The following MRTFB variants were observed in gnomAD, a reference collection of about 807,000 sequenced individuals.
The protein encoded by MRTFB is myocardin-related transcription factor B.
Under a neutral mutation model 104.2 loss-of-function variants are expected in MRTFB, and 29 were observed. The observed-to-expected ratio is 0.28, with a 90% CI of 0.21 to 0.38. The LOEUF (loss-of-function observed/expected upper bound fraction) is 0.38, where lower values mean the gene tolerates loss of function less well. MRTFB is among the 10% of genes least tolerant of loss of function. MRTFB has a pLI of 1.00. For synonymous variants in MRTFB, 535 were observed against 519.5 expected (o/e 1.03, Z -0.41); for missense variants, 1,270 against 1,341.6 (o/e 0.95, Z 0.83).
At position 14,177,935 on chromosome 16, in the gene MRTFB, TGC is replaced by T. The variant is rs57888610; in HGVS notation, c.155-32307_155-32306del. Among the ~76,000 whole-genome samples, 2,337 of 149,712 alleles carry T rather than the reference TGC, an allele frequency of 0.016. 59 individuals are homozygous for T. The highest frequency in any genetic ancestry group is 0.055 in the African/African-American group (2,193 of 39,908). The stretch of plus-strand genomic sequence containing the variant: ...GTGTGTGTGTGTGTGTGTGTGTGTG[TGC>T]ACGCATTGGTGGGTGTTTAGAGTTA... On this transcript the variant is annotated intron_variant, in intron 3 of 16. Coordinates refer to ENST00000571589, the MANE Select transcript of MRTFB (RefSeq NM_001308142.2). This position sits in a 1 kb window ranked among gnomAD's most constrained non-coding sequence, Gnocchi z 4.7.
At chr16:14,122,241 T>G (rs2036883246) in intron 2 of MRTFB, among the ~76,000 whole-genome samples, 1 of 135,322 alleles carries the variant, frequency 7.4e-6, no homozygotes, top group Non-Finnish European at 1.5e-5. Context: ...TGGATCTGTT[T>G]TTTTTTTTTC....
the MRTFB span, among the ~76,000 whole-genome samples, chr16:14,058,227 C>T: frequency 3.5e-4 from 54 of 152,166 alleles, no homozygotes; most frequent in Middle Eastern, 3.4e-3. Context: ...ACTCATTTCG[C>T]GAATTCCAAG....
At chr16:14,153,222 G>C (rs1267407103) in intron 3 of MRTFB, 4 of 152,146 alleles carry the variant, frequency 2.6e-5, no homozygotes, top group Admixed American at 2.0e-4. Flanking sequence ...AATAAAATGT[G>C]TATGCTGAAA....
chr16:14,017,712 T>TATATATATATATATATATATA, the MRTFB span, among the ~76,000 whole-genome samples: 110 of 9,886 alleles, frequency 0.011, 8 homozygotes, highest in Non-Finnish European at 0.019. Context: ...TATATATATA[T>TATATATATATATATATATATA]TTTTTTTTTT....
At position 14,102,711 on chromosome 16, in the gene MRTFB, A is replaced by G. The variant is rs1316957633; in HGVS notation, c.-64+23357A>G. 5.3e-5 allele frequency among the ~76,000 whole-genome samples: 8 copies of G among 152,274 alleles called. No individual in the cohort carries two copies. The East Asian group carries it at 1.5e-3, about 29-fold the overall frequency. The stretch of plus-strand genomic sequence containing the variant: ...TGTTAAAGATTGGCTCTTTAGTTTC[A>G]TTTGTTCTCAAACTTTCTGTGTCCA... On this transcript the variant is annotated intron_variant, in intron 2 of 16. Coordinates refer to ENST00000571589, the MANE Select transcript of MRTFB (RefSeq NM_001308142.2).
chr16:14,068,965 T>A (rs1183899220), upstream of MRTFB, among the ~76,000 whole-genome samples: 4 of 89,696 alleles, frequency 4.5e-5, no homozygotes, highest in African/African-American at 3.2e-4. Context: ...TTCTCCAGCT[T>A]TTTTTTTTTT....
the MRTFB span, among the ~76,000 whole-genome samples, chr16:14,053,588 G>A: frequency 1.8e-4 from 28 of 151,892 alleles, no homozygotes; most frequent in South Asian, 8.3e-4. Flanking sequence ...AAAATTAGCC[G>A]GGCGTGGTGG....
At chr16:14,018,557 G>A in the MRTFB span, among the ~76,000 whole-genome samples, 17 of 152,242 alleles carry the variant, frequency 1.1e-4, no homozygotes, top group Non-Finnish European at 1.8e-4. Context: ...GTAGAAATTA[G>A]GAGTTCACAT....
intron 10 of MRTFB, among the ~76,000 whole-genome samples, chr16:14,244,726 C>T (rs2042939839): frequency 6.6e-6 from 1 of 151,750 alleles, no homozygotes; most frequent in Non-Finnish European, 1.5e-5. Flanking sequence ...GATTTTTCCC[C>T]CCACTTTTCC....
At chr16:14,025,281 A>G in the MRTFB span, among the ~76,000 whole-genome samples, 2 of 152,182 alleles carry the variant, frequency 1.3e-5, no homozygotes, top group Non-Finnish European at 1.5e-5. Flanking sequence ...GTCAGCCTCA[A>G]GTGATCCTCC....
At chr16:14,257,315 A>G (rs1183747029) in intron 15 of MRTFB, among the ~76,000 whole-genome samples, 1 of 152,210 alleles carries the variant, frequency 6.6e-6, no homozygotes, top group African/African-American at 2.4e-5. Context: ...ACTTTTTTGT[A>G]ATAGCCAAAA....
In MRTFB at chr16:14,247,397, C is replaced by G. The variant is rs1192019559; in HGVS notation, c.2137C>G (p.Gln713Glu). ...QGQPPPAVVA[Q>E]PQALLTTQTA... ...ACAGCCACCGCCTGCTGTTGTTGCTCAGCCCCAGGCTTTACTGACCACGCA... is the reference window on the plus strand; with the variant it reads ...ACAGCCACCGCCTGCTGTTGTTGCTGAGCCCCAGGCTTTACTGACCACGCA... The change falls in exon 12 of 17, where the codon CAG becomes GAG. Residue 713 changes from glutamine (Q) to glutamate (E), a missense_variant. Coordinates refer to ENST00000571589, the MANE Select transcript of MRTFB (RefSeq NM_001308142.2). The G allele has an allele frequency of 6.2e-7, 1 of 1,613,406 alleles. No homozygotes were observed. Among genetic ancestry groups the G allele is most frequent in the Non-Finnish European group, 8.5e-7 (1 of 1,180,046 alleles).
the MRTFB span, among the ~76,000 whole-genome samples, chr16:14,007,259 C>G: frequency 1.2e-4 from 18 of 152,282 alleles, no homozygotes; most frequent in East Asian, 3.3e-3. Context: ...CTTTCTGTCT[C>G]TATAGAAAGG....
intron 3 of MRTFB, among the ~76,000 whole-genome samples, chr16:14,206,788 G>A (rs2040964168): frequency 6.6e-6 from 1 of 152,122 alleles, no homozygotes; most frequent in Non-Finnish European, 1.5e-5. Flanking sequence ...TGATCTGCCA[G>A]TCTCGTCCCG....
intron 3 of MRTFB, among the ~76,000 whole-genome samples, chr16:14,179,367 C>T (rs73516951): frequency 0.027 from 4,065 of 152,244 alleles, 193 homozygotes; most frequent in African/African-American, 0.093. Flanking sequence ...CTTCTCTAGG[C>T]TTAAACATAT....
chr16:14,161,204 C>A (rs931347517), intron 3 of MRTFB, among the ~76,000 whole-genome samples: 12 of 147,210 alleles, frequency 8.2e-5, no homozygotes, highest in Admixed American at 7.0e-4. Flanking sequence ...GCCATGCCAT[C>A]ATGAAGTAGG....
At chr16:14,060,774 G>C in the MRTFB span, among the ~76,000 whole-genome samples, 6 of 152,232 alleles carry the variant, frequency 3.9e-5, no homozygotes, top group South Asian at 1.2e-3. Context: ...GAATCAGTGA[G>C]CAAGTGACCA....
chr16:14,223,999 C>T (rs1486237602), intron 8 of MRTFB, among the ~76,000 whole-genome samples: 1 of 152,196 alleles, frequency 6.6e-6, no homozygotes, highest in Admixed American at 6.6e-5. Flanking sequence ...ACGGGCTGTA[C>T]AGGAGGCATG....
intron 9 of MRTFB, among the ~76,000 whole-genome samples, chr16:14,236,403 G>A (rs1215665653): frequency 1.3e-5 from 2 of 152,182 alleles, no homozygotes; most frequent in Admixed American, 6.5e-5. Context: ...CACCTTCTAT[G>A]TGCCAGGCAC....
Sources: allele counts gnomAD v4.1 joint callset (sites outside exome capture counted in the v4.1 genomes callset), GRCh38; gene constraint gnomAD v4.1.1; non-coding constraint Gnocchi (gnomAD v3.1); transcripts MANE v1.5; gene names NCBI Gene and HGNC (gene_info 2026-07-23, HGNC 2026-07-21).